The following NUDT13 variants were observed in gnomAD, a reference collection of about 807,000 sequenced individuals.
NUDT13 encodes NAD(P)H pyrophosphatase NUDT13, mitochondrial.
Under a neutral mutation model 41.7 loss-of-function variants are expected in NUDT13, and 40 were observed. The observed-to-expected ratio is 0.96, with a 90% CI of 0.75 to 1.25. The LOEUF (loss-of-function observed/expected upper bound fraction) is 1.25, where lower values mean the gene tolerates loss of function less well. Ranked by LOEUF, NUDT13 falls within the 50% of genes most tolerant of loss-of-function variation. The pLI, the probability that NUDT13 is intolerant of heterozygous loss-of-function variation, is 0.00. For synonymous variants in NUDT13, 145 were observed against 155.5 expected (o/e 0.93, Z 0.50); for missense variants, 390 against 416.1 (o/e 0.94, Z 0.55).
intron 5 of NUDT13, 137 bp from the exon 6 acceptor site, chr10:73,124,981 A>G: frequency 1.1e-6 from 1 of 950,774 alleles, no homozygotes; most frequent in South Asian, 2.3e-5. Context: ...AAATTTAAAC[A>G]GTAACCATTT....
intron 1 of NUDT13, 43 bp from the exon 2 acceptor site, chr10:73,114,313 TC>T: frequency 1.0e-6 from 1 of 1,003,170 alleles, no homozygotes; most frequent in Admixed American, 2.0e-5. Context: ...ACTTTAAATT[TC>T]ATATTATGAC....
At chr10:73,110,973 G>T (rs1842350911) in intron 1 of NUDT13, among the ~76,000 whole-genome samples, 1 of 152,040 alleles carries the variant, frequency 6.6e-6, no homozygotes, top group Non-Finnish European at 1.5e-5. Context: ...GTCCACAGTC[G>T]TGGAGAAACG....
chr10:73,125,072 CCCGCATTCTCT>C, intron 5 of NUDT13, 35 bp from the exon 6 acceptor site: 1 of 1,565,230 alleles, frequency 6.4e-7, no homozygotes, highest in Non-Finnish European at 8.6e-7. Flanking sequence ...AAAGATGAGC[CCCGCATTCTCT>C]CCAAATGACA....
intron 2 of NUDT13, among the ~76,000 whole-genome samples, chr10:73,117,939 A>G (rs1489013285): frequency 6.6e-6 from 1 of 152,244 alleles, no homozygotes; most frequent in Non-Finnish European, 1.5e-5. Flanking sequence ...TAAAAATAAG[A>G]GTTCCCAATC....
At chr10:73,129,167 CT>C (rs900393888) in intron 8 of NUDT13, among the ~76,000 whole-genome samples, 2,820 of 110,158 alleles carry the variant, frequency 0.026, 24 homozygotes, top group Non-Finnish European at 0.037. Context: ...AAGACGTTGT[CT>C]TTTTTTTTTT....
intron 4 of NUDT13, among the ~76,000 whole-genome samples, chr10:73,122,900 CTTTTT>C (rs60953028): frequency 8.1e-6 from 1 of 123,020 alleles, no homozygotes; most frequent in Non-Finnish European, 1.7e-5. Context: ...TTGTATATTT[CTTTTT>C]TTTTTTTTTT....
chr10:73,124,999 G>T, intron 5 of NUDT13, 119 bp from the exon 6 acceptor site: 1 of 1,120,714 alleles, frequency 8.9e-7, no homozygotes, highest in Non-Finnish European at 1.2e-6. Context: ...TTTAAATTAC[G>T]TGAGCTGTAA....
intron 6 of NUDT13, 40 bp downstream of exon 6, chr10:73,125,283 G>A (rs1194430889): frequency 1.2e-6 from 2 of 1,605,278 alleles, no homozygotes; most frequent in South Asian, 1.1e-5. Context: ...CAAGAAGACT[G>A]TGCGCTGCTT....
chr10:73,130,472 A>AT (rs1842892326), intron 8 of NUDT13: 4 of 158,112 alleles, frequency 2.5e-5, no homozygotes, highest in East Asian at 1.7e-4. Context: ...AAAAAAAAAA[A>AT]AATATATATA....
At chr10:73,116,869 T>C (rs950926037) in intron 2 of NUDT13, among the ~76,000 whole-genome samples, 30 of 141,576 alleles carry the variant, frequency 2.1e-4, no homozygotes, top group African/African-American at 7.4e-4. Flanking sequence ...TTTAACAGAC[T>C]ACAAGAATTT....
intron 2 of NUDT13, among the ~76,000 whole-genome samples, chr10:73,117,808 T>C (rs1346170339): frequency 6.6e-6 from 1 of 152,202 alleles, no homozygotes; most frequent in East Asian, 1.9e-4. Flanking sequence ...TTATTAAAGA[T>C]TGACTATTTT....
At chr10:73,115,026 T>G (rs1274405419) in intron 2 of NUDT13, 1 of 152,132 alleles carries the variant, frequency 6.6e-6, no homozygotes, top group African/African-American at 2.4e-5. Flanking sequence ...AGCCTCTGGA[T>G]AGCTGAACAC....
At chr10:73,124,529 T>C (rs1469761962) in intron 5 of NUDT13, 2 of 530,818 alleles carry the variant, frequency 3.8e-6, no homozygotes, top group East Asian at 6.1e-5. Flanking sequence ...ACTGTCAAGA[T>C]CATTGTCTCC....
In NUDT13 at chr10:73,125,510, G is replaced by A. The variant is rs114695519; in HGVS notation, c.703+1G>A. On this transcript the variant is annotated splice_donor_variant, in intron 7 of 8. Transcript: ENST00000357321. LOFTEE classifies it high-confidence loss of function. Reference sequence around the variant, plus strand: ...GCCTTGGCAGGTTTTTGTGATATAGGTGAGGAGTTTAGGGGATATACAGGT... The same window carrying A: ...GCCTTGGCAGGTTTTTGTGATATAGATGAGGAGTTTAGGGGATATACAGGT... 4.6e-4 allele frequency: 728 copies of A among 1,577,346 alleles called. 5 individuals carry two copies. The African/African-American group carries it at 8.9e-3, about 19-fold the overall frequency.
intron 4 of NUDT13, 56 bp from the exon 5 acceptor site, chr10:73,124,158 G>A (rs1172809499): frequency 8.4e-7 from 1 of 1,187,320 alleles, no homozygotes; most frequent in Non-Finnish European, 1.2e-6. Flanking sequence ...ACTGGAGAGA[G>A]GCCCTGAGGC....
At position 73,126,629 on chromosome 10, in the gene NUDT13, T is replaced by G. The variant is rs771256156; in HGVS notation, c.704-44T>G. The G allele has an allele frequency of 3.1e-6, 5 of 1,598,934 alleles. No homozygotes were observed. In the South Asian group the frequency reaches 4.4e-5, roughly 14 times the overall value. On this transcript the variant is annotated intron_variant, in intron 7 of 8. Coordinates refer to ENST00000357321, the MANE Select transcript of NUDT13 (RefSeq NM_015901.6). ...CTCAAATGGGCTGTCTGTATCACCCTTCTAGCCTACAGGGCTGTCCTGAAT... is the reference window on the plus strand; with the variant it reads ...CTCAAATGGGCTGTCTGTATCACCCGTCTAGCCTACAGGGCTGTCCTGAAT...
intron 2 of NUDT13, among the ~76,000 whole-genome samples, chr10:73,117,652 G>A (rs1438485194): frequency 5.3e-5 from 8 of 151,994 alleles, no homozygotes; most frequent in Admixed American, 2.0e-4. Flanking sequence ...AAATTAGTAG[G>A]TTTGATGGAT....
chr10:73,130,748 C>A lies in NUDT13; in HGVS notation c.904C>A (p.His302Asn). The A allele has an allele frequency of 6.2e-7, 1 of 1,613,910 alleles. No homozygotes were observed. The highest frequency in any genetic ancestry group is 1.1e-5 in the South Asian group (1 of 91,006). Residue 302 changes from histidine to asparagine, a missense_variant, in exon 9 of 9, where the codon CAT becomes AAT. His to Asn is a moderately conservative substitution (Grantham distance 68). Transcript: ENST00000357321. ...RELETAAWFSHDEVATALKRK... is the reference protein window; with the variant it reads ...RELETAAWFSNDEVATALKRK... ...ATTAGAGACAGCTGCCTGGTTCAGT[C>A]ATGATGAGGTAGCCACAGCCCTGAA...
intron 1 of NUDT13, among the ~76,000 whole-genome samples, chr10:73,112,729 T>C (rs78533512): frequency 6.8e-4 from 103 of 152,076 alleles, no homozygotes; most frequent in African/African-American, 2.2e-3. Context: ...ACAATAGATA[T>C]CCAGAATTTA....
Sources: allele counts gnomAD v4.1 joint callset (sites outside exome capture counted in the v4.1 genomes callset), GRCh38; gene constraint gnomAD v4.1.1; transcripts MANE v1.5; gene names NCBI Gene and HGNC (gene_info 2026-07-23, HGNC 2026-07-21).